The following PCCA variants were observed in gnomAD, a reference collection of about 807,000 sequenced individuals.
The protein encoded by PCCA is propionyl-CoA carboxylase alpha chain, mitochondrial.
A neutral mutation model predicts 101.3 loss-of-function variants in PCCA; 74 were observed. That is an observed-to-expected ratio of 0.73 (90% CI 0.61 to 0.89). The LOEUF is 0.89. Ranked by LOEUF, PCCA falls within the 40% of genes least tolerant of loss-of-function variation. The probability of loss-of-function intolerance (pLI) is 0.00; values close to 1 mark genes in which losing one functional copy is unlikely to be tolerated. For missense variants in PCCA, 891 were observed against 907.0 expected, an observed-to-expected ratio of 0.98 and a Z score of 0.23; for synonymous variants, 294 against 313.6, an observed-to-expected ratio of 0.94 and a Z score of 0.66.
At chr13:100,483,477 A>C (rs1014437261) in intron 21 of PCCA, among the ~76,000 whole-genome samples, 1 of 152,198 alleles carries the variant, frequency 6.6e-6, no homozygotes, top group African/African-American at 2.4e-5. Context: ...GTGCTGGCTC[A>C]TTGGGAGTTC....
At chr13:100,256,020 T>C (rs1461224022) in intron 8 of PCCA, among the ~76,000 whole-genome samples, 1 of 152,156 alleles carries the variant, frequency 6.6e-6, no homozygotes, top group Admixed American at 6.5e-5. Context: ...AATAGCCCTT[T>C]CTTTTTTTTC....
intron 15 of PCCA, 119 bp from the exon 16 acceptor site, chr13:100,309,713 TA>T: frequency 1.5e-6 from 1 of 657,782 alleles, no homozygotes; most frequent in Non-Finnish European, 2.6e-6. Flanking sequence ...TGAACTATCA[TA>T]AAATTTCGAG....
At chr13:100,124,552 C>T (rs1449970619) in intron 4 of PCCA, among the ~76,000 whole-genome samples, 1 of 152,128 alleles carries the variant, frequency 6.6e-6, no homozygotes, top group African/African-American at 2.4e-5. Flanking sequence ...TGAGGGCAGT[C>T]ATCACTTTTT....
At chr13:100,231,191 T>C (rs538975536) in intron 7 of PCCA, among the ~76,000 whole-genome samples, 170 of 152,346 alleles carry the variant, frequency 1.1e-3, no homozygotes, top group African/African-American at 3.8e-3. Flanking sequence ...ATTTAAGGTT[T>C]GTCTTTTCCA....
intron 18 of PCCA, 34 bp downstream of exon 18, chr13:100,340,293 C>G: frequency 9.4e-7 from 1 of 1,059,670 alleles, no homozygotes. Flanking sequence ...AATAAATGAG[C>G]AGAACAATAT....
intron 21 of PCCA, among the ~76,000 whole-genome samples, chr13:100,466,733 C>T (rs2082549659): frequency 6.6e-6 from 1 of 152,124 alleles, no homozygotes; most frequent in South Asian, 2.1e-4. Context: ...TGGTTTGTGC[C>T]TGTAGTTCCA....
At chr13:100,402,687 C>T (rs1320850570) in intron 19 of PCCA, among the ~76,000 whole-genome samples, 2 of 152,004 alleles carry the variant, frequency 1.3e-5, no homozygotes, top group Non-Finnish European at 2.9e-5. Context: ...AAGGAAAGAC[C>T]CAGCCCTATT....
In PCCA at chr13:100,477,691, G is replaced by A. The variant is rs140919757; in HGVS notation, c.1899+28386G>A. The stretch of plus-strand genomic sequence containing the variant: ...TGAATAGCAAGTTTGGACAGTATAC[G>A]GTAGGGAAATCTCAGGAATACTATA... On this transcript the variant is annotated intron_variant, in intron 21 of 23. Coordinates refer to ENST00000376285, the MANE Select transcript of PCCA (RefSeq NM_000282.4). Among the ~76,000 whole-genome samples, 12 of 152,236 alleles carry A rather than the reference G, an allele frequency of 7.9e-5. 1 individual carries two copies. The East Asian group carries it at 2.3e-3, about 29-fold the overall frequency.
At chr13:100,517,681 G>A (rs1399679668) in intron 22 of PCCA, among the ~76,000 whole-genome samples, 1 of 152,072 alleles carries the variant, frequency 6.6e-6, no homozygotes, top group African/African-American at 2.4e-5. Context: ...GCTCAGGTGG[G>A]GCGTATACTT....
chr13:100,507,268 GC>G (rs2086151817), intron 21 of PCCA, among the ~76,000 whole-genome samples: 1 of 152,208 alleles, frequency 6.6e-6, no homozygotes, highest in South Asian at 2.1e-4. Flanking sequence ...CCAGCAAATT[GC>G]CTTTGTGGCA....
At chr13:100,474,356 A>G (rs1212776375) in intron 21 of PCCA, among the ~76,000 whole-genome samples, 2 of 152,116 alleles carry the variant, frequency 1.3e-5, no homozygotes, top group Admixed American at 1.3e-4. Flanking sequence ...CATTTTATGT[A>G]TTAGCCTTTG....
intron 6 of PCCA, among the ~76,000 whole-genome samples, chr13:100,205,983 A>T (rs1045119960): frequency 1.3e-5 from 2 of 152,186 alleles, no homozygotes; most frequent in African/African-American, 4.8e-5. Flanking sequence ...ATAGAGGTGT[A>T]GGCTTACCTC....
chr13:100,368,570 T>C lies in PCCA; in HGVS notation c.1742T>C (p.Phe581Ser). The change falls in exon 19 of 24, where the codon TTC becomes TCC. Residue 581 changes from phenylalanine (F) to serine (S), a missense_variant. Transcript: ENST00000376285. ...GTAGCATCAAACAATGGGTCAGTGT[T>C]CTCGGTGAGTTTTCTTTCTTTATTT... ...TVVASNNGSV[F>S]SVEVDGSKLN... 6.3e-7 allele frequency: 1 copy of C among 1,579,220 alleles called. No homozygotes were observed. Among genetic ancestry groups the C allele is most frequent in the Non-Finnish European group, 8.7e-7 (1 of 1,148,518 alleles).
intron 4 of PCCA, among the ~76,000 whole-genome samples, chr13:100,135,651 A>G (rs1039309575): frequency 1.3e-5 from 2 of 151,640 alleles, no homozygotes; most frequent in Non-Finnish European, 2.9e-5. Context: ...TATGTCTTTT[A>G]TTTTATTTTT....
At chr13:100,122,073 A>AT (rs569158179) in intron 4 of PCCA, among the ~76,000 whole-genome samples, 155 of 152,162 alleles carry the variant, frequency 1.0e-3, no homozygotes, top group African/African-American at 3.3e-3. Flanking sequence ...CAGGTGTTGC[A>AT]TTTTTTCAAA....
At chr13:100,524,851 A>C (rs1171374195) in intron 22 of PCCA, among the ~76,000 whole-genome samples, 5 of 152,194 alleles carry the variant, frequency 3.3e-5, no homozygotes, top group Admixed American at 6.5e-5. Context: ...CAGCCTGGGC[A>C]ACAGACCGAG....
intron 17 of PCCA, among the ~76,000 whole-genome samples, 157 bp downstream of exon 17, chr13:100,330,828 T>G (rs919179095): frequency 3.9e-5 from 6 of 152,164 alleles, no homozygotes; most frequent in African/African-American, 1.2e-4. Flanking sequence ...TGATTTTGAG[T>G]ATTTATGGAT....
chr13:100,488,080 G>T (rs1296077829), intron 21 of PCCA, among the ~76,000 whole-genome samples: 1 of 151,568 alleles, frequency 6.6e-6, no homozygotes, highest in African/African-American at 2.4e-5. Context: ...TTCTGCCTCT[G>T]TGCTTTTTAT....
chr13:100,237,317 T>C (rs1447838567), intron 8 of PCCA: 2 of 152,234 alleles, frequency 1.3e-5, no homozygotes, highest in Non-Finnish European at 2.9e-5. Context: ...GTTGTTTGCT[T>C]TGCAAAAATC....
Sources: gnomAD v4.1 joint callset for allele counts (sites outside exome capture counted in the v4.1 genomes callset) on GRCh38, gnomAD v4.1.1 for gene constraint, MANE v1.5 for transcripts, NCBI Gene and HGNC (gene_info 2026-07-23, HGNC 2026-07-21) for gene names.